DYNC2H1: variants seen among roughly 807,000 people sequenced by gnomAD.
The protein encoded by DYNC2H1 is cytoplasmic dynein 2 heavy chain 1.
In DYNC2H1, 410 loss-of-function variants were observed where a neutral mutation model predicts 570.0. That is an observed-to-expected ratio of 0.72 (90% confidence interval 0.66 to 0.78). The LOEUF (loss-of-function observed/expected upper bound fraction) is 0.78. DYNC2H1 is among the 30% of genes least tolerant of loss of function. DYNC2H1 has a pLI of 0.00. For missense variants in DYNC2H1, 4,865 were observed against 5,046.4 expected, an observed-to-expected ratio of 0.96 and a Z score of 1.09; for synonymous variants, 1,688 against 1,677.6, an observed-to-expected ratio of 1.01 and a Z score of -0.15.
chr11:103,328,692 A>G (rs933421267), intron 82 of DYNC2H1, among the ~76,000 whole-genome samples: 1 of 152,204 alleles, frequency 6.6e-6, no homozygotes, highest in Non-Finnish European at 1.5e-5. Flanking sequence ...TATCTACTGC[A>G]AATTGTTGAT....
Position 103,174,148 on chromosome 11 carries a change from C to A in DYNC2H1, c.5652C>A (p.Asn1884Lys). The A allele has an allele frequency of 1.3e-6, 2 of 1,579,352 alleles. No individual in the cohort carries two copies. Among genetic ancestry groups the A allele is most frequent in the East Asian group, 2.3e-5 (1 of 43,576 alleles). The change falls in exon 36 of 89, where the codon AAC becomes AAA. Residue 1884 changes from asparagine (N) to lysine (K), a missense_variant. Coordinates refer to ENST00000375735, the MANE Select transcript of DYNC2H1 (RefSeq NM_001377.3). ...RGSGNLLRQL[N>K]KSGTTQNANE... Reference sequence around the variant, plus strand: ...GTGGAAATCTCCTTAGACAGCTAAACAAAAGTGGCACTACACAGAATGGTA... The same window carrying A: ...GTGGAAATCTCCTTAGACAGCTAAAAAAAAGTGGCACTACACAGAATGGTA...
In DYNC2H1 at chr11:103,109,831, G is replaced by A. The variant is rs1050132869; in HGVS notation, c.195+62G>A. On this transcript the variant is annotated intron_variant, in intron 1 of 88. Coordinates refer to ENST00000375735, the MANE Select transcript of DYNC2H1 (RefSeq NM_001377.3). ...CTCTTCAAGTCCCCAGGCCCAGCCA[G>A]AGGGACGTCGGGTCACACTCTTTAG... The A allele has an allele frequency of 3.4e-5, 51 of 1,515,110 alleles. 1 individual carries two copies. The highest frequency in any genetic ancestry group is 2.6e-4 in the Admixed American group (13 of 50,796). The allele number at this position is 1,515,110 out of a possible 1,614,324, so 93.9% of individuals were successfully genotyped here.
chr11:103,164,774 G>T (rs1193876971), intron 30 of DYNC2H1, among the ~76,000 whole-genome samples: 8 of 152,108 alleles, frequency 5.3e-5, no homozygotes, highest in Admixed American at 3.3e-4. Context: ...ACAGTAATGC[G>T]ATTTTATAAC....
Position 103,293,493 on chromosome 11 carries a change from T to G in DYNC2H1, c.11095+5888T>G, listed in dbSNP as rs910471127. 2.6e-5 allele frequency among the ~76,000 whole-genome samples: 4 copies of G among 152,300 alleles called. No individual in the cohort carries two copies. The South Asian group carries it at 6.2e-4, about 24-fold the overall frequency. On this transcript the variant is annotated intron_variant, in intron 75 of 88. Transcript: ENST00000375735. ...AGGCAAGTTCTCTGTTATTATTTCT[T>G]TGAACAAACTTTATATCCTGATCTC...
intron 82 of DYNC2H1, among the ~76,000 whole-genome samples, chr11:103,354,187 A>G (rs1334073438): frequency 6.6e-6 from 1 of 150,848 alleles, no homozygotes; most frequent in Non-Finnish European, 1.5e-5. Flanking sequence ...AAAACAAAAA[A>G]AAAAAAAAAA....
chr11:103,147,935 A>C lies in DYNC2H1; in HGVS notation c.2818+48A>C, dbSNP rs757845649. The C allele has an allele frequency of 1.3e-5, 16 of 1,270,616 alleles. No individual in the cohort carries two copies. The East Asian group carries it at 3.9e-4, about 31-fold the overall frequency. 78.7% of individuals were successfully genotyped at this position (1,270,616 alleles called of 1,614,324 possible). ...ATTTTTACTTAATTTGATATGTAGA[A>C]GCATGTACTTTGATAGTTATAAAAT... On this transcript the variant is annotated intron_variant, in intron 19 of 88. Coordinates refer to ENST00000375735, the MANE Select transcript of DYNC2H1 (RefSeq NM_001377.3).
In DYNC2H1 at chr11:103,184,877, C is replaced by T. The variant is rs368937768; in HGVS notation, c.6478-19C>T. 6.8e-6 allele frequency: 11 copies of T among 1,608,318 alleles called. No individual in the cohort carries two copies. In the African/African-American group the frequency reaches 1.5e-4, roughly 22 times the overall value. On this transcript the variant is annotated intron_variant, in intron 40 of 88. Transcript: ENST00000375735. ...ATAGTTGCCTTTTGTCTGTTTGTAT[C>T]ACGGATTTTAATCAACAGAATGACT...
intron 60 of DYNC2H1, among the ~76,000 whole-genome samples, chr11:103,232,228 A>C (rs1180543020): frequency 6.6e-6 from 1 of 152,012 alleles, no homozygotes; most frequent in Non-Finnish European, 1.5e-5. Context: ...TAGGTGTTAT[A>C]CTGGGTAATT....
At chr11:103,168,640 T>C in intron 31 of DYNC2H1, 115 bp from the exon 32 acceptor site, 1 of 1,083,552 alleles carries the variant, frequency 9.2e-7, no homozygotes, top group Non-Finnish European at 1.3e-6. Context: ...CATTCATATG[T>C]GTCATGAAAT....
chr11:103,323,471 A>AATATAT (rs3989921), intron 81 of DYNC2H1, among the ~76,000 whole-genome samples: 1 of 148,446 alleles, frequency 6.7e-6, no homozygotes, highest in Admixed American at 6.7e-5. Flanking sequence ...TGAATATATA[A>AATATAT]ATATATATAT....
At chr11:103,197,851 A>T in intron 47 of DYNC2H1, 82 bp from the exon 48 acceptor site, 1 of 1,430,860 alleles carries the variant, frequency 7.0e-7, no homozygotes, top group South Asian at 1.3e-5. Context: ...ATTAACTTAA[A>T]AATGTTTTAG....
intron 65 of DYNC2H1, among the ~76,000 whole-genome samples, chr11:103,246,533 T>G (rs1864625049): frequency 6.6e-6 from 1 of 152,078 alleles, no homozygotes; most frequent in Non-Finnish European, 1.5e-5. Flanking sequence ...TGAACTGTTC[T>G]AGGTAGTTAT....
At chr11:103,298,045 A>G (rs1866905249) in intron 75 of DYNC2H1, among the ~76,000 whole-genome samples, 2 of 152,084 alleles carry the variant, frequency 1.3e-5, no homozygotes, top group Admixed American at 1.3e-4. Context: ...GCCTTTTGAA[A>G]TATAAATTAG....
At chr11:103,259,291 C>T (rs1865177925) in intron 69 of DYNC2H1, among the ~76,000 whole-genome samples, 1 of 152,084 alleles carries the variant, frequency 6.6e-6, no homozygotes, top group South Asian at 2.1e-4. Flanking sequence ...CATTTCTATG[C>T]CAAACAATTT....
At chr11:103,231,396 T>G (rs1380822186) in intron 60 of DYNC2H1, 50 bp downstream of exon 60, 1 of 1,189,094 alleles carries the variant, frequency 8.4e-7, no homozygotes, top group Non-Finnish European at 1.2e-6. Context: ...AGTGTTTACA[T>G]TTGACATCTT....
intron 85 of DYNC2H1, among the ~76,000 whole-genome samples, chr11:103,444,954 A>G (rs969928840): frequency 5.3e-5 from 8 of 152,204 alleles, no homozygotes; most frequent in Admixed American, 3.9e-4. Context: ...TAGAAGATTG[A>G]GAGCAAAAGA....
intron 87 of DYNC2H1, 21 bp from the exon 88 acceptor site, chr11:103,468,563 TCATGA>T: frequency 1.3e-6 from 2 of 1,566,372 alleles, no homozygotes; most frequent in Non-Finnish European, 1.8e-6. Context: ...ATGCATATTT[TCATGA>T]CATATTTGTT....
chr11:103,289,906 A>T lies in DYNC2H1; in HGVS notation c.11095+2301A>T, dbSNP rs146144382. ...TTGGTGTCCTTACAAGAAGACATCC[A>T]TGTAAAGACAGACACGCAAGGAGAG... On this transcript the variant is annotated intron_variant, in intron 75 of 88. Coordinates refer to ENST00000375735, the MANE Select transcript of DYNC2H1 (RefSeq NM_001377.3). The surrounding 1 kb of genome is among the most constrained non-coding windows in gnomAD (Gnocchi z 4.2). Among the ~76,000 whole-genome samples, 2 of 152,206 alleles carry T rather than the reference A, an allele frequency of 1.3e-5. No homozygotes were observed. The highest frequency in any genetic ancestry group is 4.8e-5 in the African/African-American group (2 of 41,460).
chr11:103,366,172 G>A (rs1440095814), intron 83 of DYNC2H1, among the ~76,000 whole-genome samples: 2 of 152,182 alleles, frequency 1.3e-5, no homozygotes, highest in Non-Finnish European at 2.9e-5. Flanking sequence ...TTTCCTTAAT[G>A]TCTTGTTGGA....
Sources: allele counts gnomAD v4.1 joint callset (sites outside exome capture counted in the v4.1 genomes callset), GRCh38; gene constraint gnomAD v4.1.1; non-coding constraint Gnocchi (gnomAD v3.1); transcripts MANE v1.5; gene names NCBI Gene and HGNC (gene_info 2026-07-23, HGNC 2026-07-21).